The following CNPY1 variants were observed in gnomAD, a reference collection of about 807,000 sequenced individuals.
The protein encoded by CNPY1 is protein canopy homolog 1.
A neutral mutation model predicts 14.4 loss-of-function variants in CNPY1; 14 were observed. That is an observed-to-expected ratio of 0.97 (90% CI 0.64 to 1.52). CNPY1 has a LOEUF of 1.52. Ranked by LOEUF, CNPY1 falls within the 40% of genes most tolerant of loss-of-function variation. CNPY1 has a pLI of 0.00. For missense variants in CNPY1, 129 were observed against 131.5 expected (o/e 0.98, Z 0.09); for synonymous variants, 43 against 46.5 (o/e 0.92, Z 0.31).
chr7:155,540,931 C>T (rs1322139550), intron 2 of CNPY1, among the ~76,000 whole-genome samples: 1 of 152,208 alleles, frequency 6.6e-6, no homozygotes, highest in African/African-American at 2.4e-5. Flanking sequence ...TTGTCTTGTG[C>T]TGTGTTGCCC....
At chr7:155,533,472 C>T (rs939777442) in intron 2 of CNPY1, among the ~76,000 whole-genome samples, 7 of 152,198 alleles carry the variant, frequency 4.6e-5, no homozygotes, top group Non-Finnish European at 8.8e-5. Flanking sequence ...GGGTGCAGGG[C>T]GCGCCTCAGA....
chr7:155,521,455 C>T (rs899438952), intron 2 of CNPY1, among the ~76,000 whole-genome samples: 2 of 152,100 alleles, frequency 1.3e-5, no homozygotes, highest in African/African-American at 4.8e-5. Context: ...CCCTGAGCAT[C>T]CCCTCTGCAC....
chr7:155,516,765 G>A (rs867538199), intron 2 of CNPY1, among the ~76,000 whole-genome samples: 1 of 152,216 alleles, frequency 6.6e-6, no homozygotes, highest in Middle Eastern at 3.4e-3. Flanking sequence ...GAATGTCCTG[G>A]GCCCAGGGTG....
intron 2 of CNPY1, among the ~76,000 whole-genome samples, chr7:155,517,950 G>A (rs1796653343): frequency 6.6e-6 from 1 of 152,220 alleles, no homozygotes. Context: ...AAAGTGGCAG[G>A]CATTTAAGCA....
intron 2 of CNPY1, among the ~76,000 whole-genome samples, chr7:155,545,341 G>A (rs1047060703): frequency 2.0e-5 from 3 of 152,180 alleles, no homozygotes; most frequent in Non-Finnish European, 4.4e-5. Flanking sequence ...ATCCTCAGGG[G>A]GAGCCCCTCT....
chr7:155,544,068 C>T lies in CNPY1; in HGVS notation c.99+1763G>A, dbSNP rs1374831773. Among the ~76,000 whole-genome samples the T allele has an allele frequency of 3.3e-5, 5 of 152,312 alleles. No individual in the cohort carries two copies. The East Asian group carries it at 9.6e-4, about 29-fold the overall frequency. On this transcript the variant is annotated intron_variant, in intron 2 of 4. Coordinates refer to ENST00000636446, the MANE Select transcript of CNPY1 (RefSeq NM_001393663.1). ...CTTAATTCCATTCTGGGATTAGACA[C>T]ACTGGAAAGGCTCAGGACCCCCAAA...
chr7:155,537,362 A>G (rs567081961), intron 2 of CNPY1, among the ~76,000 whole-genome samples: 1 of 152,154 alleles, frequency 6.6e-6, no homozygotes, highest in East Asian at 1.9e-4. Context: ...ACCACCAGGA[A>G]TGAAGCTGGA....
chr7:155,534,293 ACTCACACG>A (rs1796994111), intron 2 of CNPY1, among the ~76,000 whole-genome samples: 1 of 151,976 alleles, frequency 6.6e-6, no homozygotes, highest in Admixed American at 6.5e-5. Context: ...ACACACACAC[ACTCACACG>A]TGCATGCACA....
chr7:155,539,029 C>T (rs73496062), intron 2 of CNPY1, among the ~76,000 whole-genome samples: 2,214 of 152,274 alleles, frequency 0.015, 55 homozygotes, highest in African/African-American at 0.05. Context: ...GAGCCAGCTT[C>T]GGGCCCCTTT....
rs548231426 is a variant in CNPY1, at chr7:155,529,687, C to T, written c.99+16144G>A. Reference sequence around the variant, plus strand: ...GGCCACTGGATTAGGCCCTGCCCCACCCCACCCTGCTCCAGTATGACCTCA... The same window carrying T: ...GGCCACTGGATTAGGCCCTGCCCCATCCCACCCTGCTCCAGTATGACCTCA... On this transcript the variant is annotated intron_variant, in intron 2 of 4. Coordinates refer to ENST00000636446, the MANE Select transcript of CNPY1 (RefSeq NM_001393663.1). 3.3e-5 allele frequency among the ~76,000 whole-genome samples: 5 copies of T among 152,326 alleles called. No homozygotes were observed. In the East Asian group the frequency reaches 9.6e-4, roughly 29 times the overall value.
chr7:155,515,778 G>A (rs185959979), intron 2 of CNPY1, among the ~76,000 whole-genome samples: 59 of 152,244 alleles, frequency 3.9e-4, no homozygotes, highest in African/African-American at 1.1e-3. Context: ...TTCAATGAGC[G>A]TTCATTTTCT....
intron 2 of CNPY1, 34 bp from the exon 3 acceptor site, chr7:155,509,131 T>C: frequency 2.3e-6 from 3 of 1,296,116 alleles, no homozygotes; most frequent in Non-Finnish European, 3.2e-6. Flanking sequence ...AAACTTGTCT[T>C]AATGTTAATG....
intron 2 of CNPY1, among the ~76,000 whole-genome samples, chr7:155,544,352 T>C (rs1363641224): frequency 6.6e-6 from 1 of 152,238 alleles, no homozygotes; most frequent in Admixed American, 6.5e-5. Context: ...GCTCCTCCCC[T>C]TCCAGCCCCT....
At chr7:155,534,380 T>A (rs1429072683) in intron 2 of CNPY1, among the ~76,000 whole-genome samples, 3 of 151,556 alleles carry the variant, frequency 2.0e-5, no homozygotes, top group Non-Finnish European at 4.4e-5. Context: ...CACACACGCA[T>A]GCATAGACAC....
intron 2 of CNPY1, among the ~76,000 whole-genome samples, chr7:155,542,260 C>T (rs1585338576): frequency 6.7e-6 from 1 of 150,260 alleles, no homozygotes; most frequent in East Asian, 1.9e-4. Flanking sequence ...AGGGGAGCCC[C>T]AGGGAAAGCA....
intron 2 of CNPY1, among the ~76,000 whole-genome samples, chr7:155,514,471 G>C (rs1796579486): frequency 6.6e-6 from 1 of 152,148 alleles, no homozygotes; most frequent in South Asian, 2.1e-4. Flanking sequence ...TGATCCGTTT[G>C]GAACCACCTC....
chr7:155,508,241 C>A (rs936593641), intron 3 of CNPY1, among the ~76,000 whole-genome samples: 1 of 152,232 alleles, frequency 6.6e-6, no homozygotes, highest in East Asian at 1.9e-4. Context: ...AAGCCAGAGA[C>A]TAGCATTCAC....
chr7:155,542,708 T>C (rs1475592923), intron 2 of CNPY1, among the ~76,000 whole-genome samples: 1 of 152,176 alleles, frequency 6.6e-6, no homozygotes, highest in Non-Finnish European at 1.5e-5. Context: ...CCCTCCTCTG[T>C]GTCTGTCCCA....
chr7:155,531,561 C>G (rs1026188837), intron 2 of CNPY1, among the ~76,000 whole-genome samples: 15 of 152,236 alleles, frequency 9.9e-5, no homozygotes, highest in Non-Finnish European at 2.1e-4. Flanking sequence ...CTTCCTCTCT[C>G]TGCAGCTTAG....
Sources: allele counts gnomAD v4.1 joint callset (sites outside exome capture counted in the v4.1 genomes callset), GRCh38; gene constraint gnomAD v4.1.1; transcripts MANE v1.5; gene names NCBI Gene and HGNC (gene_info 2026-07-23, HGNC 2026-07-21).